The following GJA8 variants were observed in gnomAD, a reference collection of about 807,000 sequenced individuals.
GJA8 encodes gap junction alpha-8 protein.
In GJA8, 13 loss-of-function variants were observed where a neutral mutation model predicts 15.3. The observed-to-expected ratio is 0.85, with a 90% CI of 0.55 to 1.35. GJA8 has a LOEUF of 1.35. GJA8 is among the 40% of genes most tolerant of loss of function. GJA8 has a pLI of 0.00. For synonymous variants in GJA8, 304 were observed against 238.7 expected (o/e 1.27, Z -2.52); for missense variants, 607 against 553.3 (o/e 1.10, Z -0.97).
At position 147,908,292 on chromosome 1, in the gene GJA8, G is replaced by A; in HGVS notation, c.337G>A (p.Glu113Lys). ...EEKRKSREAE[E>K]LGQQAGTNGG... ...GAAGCGCAAAAGCCGCGAGGCGGAGGAGCTGGGCCAGCAGGCGGGGACTAA... is the reference window on the plus strand; with the variant it reads ...GAAGCGCAAAAGCCGCGAGGCGGAGAAGCTGGGCCAGCAGGCGGGGACTAA... Residue 113 changes from glutamate to lysine, a missense_variant, in exon 2 of 2, where the codon GAG becomes AAG. By Grantham distance (56) the Glu-to-Lys change is moderately conservative. Transcript: ENST00000369235. 2 of 1,614,176 alleles carry A rather than the reference G, an allele frequency of 1.2e-6. No individual in the cohort carries two copies. Among genetic ancestry groups the A allele is most frequent in the South Asian group, 2.2e-5 (2 of 91,080 alleles).
chr1:147,909,263 C>T lies in GJA8; in HGVS notation c.*6C>T, dbSNP rs782055668. On this transcript the variant is annotated 3_prime_UTR_variant, in exon 2 of 2. Transcript: ENST00000369235. Reference sequence around the variant, plus strand: ...CAGACGATCTAACCGTATGAAGTGACGCCAAAGAAAAAAAAAAAAACGCCC... The same window carrying T: ...CAGACGATCTAACCGTATGAAGTGATGCCAAAGAAAAAAAAAAAAACGCCC... 4.1e-6 allele frequency: 5 copies of T among 1,232,248 alleles called. No individual in the cohort carries two copies. Among genetic ancestry groups the T allele is most frequent in the South Asian group, 1.2e-5 (1 of 80,262 alleles). The allele number at this position is 1,232,248 out of a possible 1,614,324, so 76.3% of individuals were successfully genotyped here. A position where few individuals can be genotyped will look rare whatever the true frequency, so the allele number is the denominator to read the frequency against.
Position 147,909,062 on chromosome 1 carries a change from G to A in GJA8, c.1107G>A (p.Gly369=), listed in dbSNP as rs1553243004. 8.1e-6 allele frequency: 13 copies of A among 1,604,734 alleles called. No homozygotes were observed. Among genetic ancestry groups the A allele is most frequent in the South Asian group, 1.1e-5 (1 of 90,008 alleles). ...AGGAGAAGGTGGCCGTGCCAGAGGG[G>A]GAGAAAGTAGAGACCCCCGGAGTGG... ...EEQEKVAVPE[G]EKVETPGVDK... is the part of the protein sequence containing the mutation. The change falls in exon 2 of 2, where the codon GGG becomes GGA. Residue 369 remains glycine (G), a synonymous_variant. Coordinates refer to ENST00000369235, the MANE Select transcript of GJA8 (RefSeq NM_005267.5).
chr1:147,903,934 CTTT>C (rs56033018), intron 1 of GJA8, among the ~76,000 whole-genome samples: 1 of 134,600 alleles, frequency 7.4e-6, no homozygotes. Flanking sequence ...TTTAATAACT[CTTT>C]TTTTTTTTTT....
Position 147,908,640 on chromosome 1 carries a change from C to T in GJA8, c.685C>T (p.Leu229=). ...CGTGATGGAGTTGGGCCACCTGGGCCTGAAGGGGATCCGGTCTGCCTTGAA... is the reference window on the plus strand; with the variant it reads ...CGTGATGGAGTTGGGCCACCTGGGCTTGAAGGGGATCCGGTCTGCCTTGAA... The part of the protein sequence containing the change: ...LNVMELGHLG[L]KGIRSALKRP... Residue 229 remains leucine (L), a synonymous_variant, in exon 2 of 2, where the codon CTG becomes TTG. Transcript: ENST00000369235. 2 of 1,614,130 alleles carry T rather than the reference C, an allele frequency of 1.2e-6. No homozygotes were observed. The highest frequency in any genetic ancestry group is 1.1e-5 in the South Asian group (1 of 91,060).
At chr1:147,912,292 A>G (rs1227186572), downstream of GJA8, among the ~76,000 whole-genome samples, 1 of 152,190 alleles carries the variant, frequency 6.6e-6, no homozygotes, top group Non-Finnish European at 1.5e-5. Flanking sequence ...TGTCCCTCCA[A>G]CCTGCCTCGT....
intron 1 of GJA8, among the ~76,000 whole-genome samples, chr1:147,904,732 C>T (rs1413959223): frequency 6.6e-6 from 1 of 152,182 alleles, no homozygotes; most frequent in Non-Finnish European, 1.5e-5. Flanking sequence ...CCCTTCGCAG[C>T]TCTAAAGTGT....
the GJA8 span, among the ~76,000 whole-genome samples, chr1:147,914,378 G>A: frequency 2.0e-5 from 3 of 152,202 alleles, no homozygotes; most frequent in Non-Finnish European, 1.5e-5. Context: ...AGAGAGACAC[G>A]TTATTGGGAT....
chr1:147,913,947 T>G (rs1553243781), downstream of GJA8, among the ~76,000 whole-genome samples: 1 of 152,176 alleles, frequency 6.6e-6, no homozygotes, highest in East Asian at 1.9e-4. Flanking sequence ...ATTATTGTAT[T>G]ATAACTAAAT....
At chr1:147,911,832 A>G (rs1330185706), downstream of GJA8, among the ~76,000 whole-genome samples, 1 of 151,790 alleles carries the variant, frequency 6.6e-6, no homozygotes, top group African/African-American at 2.4e-5. Context: ...TGTTCTAAAT[A>G]AAACTGCTGT....
chr1:147,909,247 T>C lies in GJA8; in HGVS notation c.1292T>C (p.Leu431Pro). 8.0e-7 allele frequency: 1 copy of C among 1,257,210 alleles called. No individual in the cohort carries two copies. 77.9% of individuals were successfully genotyped at this position (1,257,210 alleles called of 1,614,324 possible). ...AGCAGCCGAGCCAGGTCAGACGATC[T>C]AACCGTATGAAGTGACGCCAAAGAA... ...KASSRARSDD[L>P]TV Residue 431 changes from leucine (L) to proline (P), a missense_variant, in exon 2 of 2, where the codon CTA becomes CCA. Leu to Pro is a moderately conservative substitution (Grantham distance 98). Transcript: ENST00000369235.
At chr1:147,907,350 AATAAT>A (rs1651840594) in intron 1 of GJA8, among the ~76,000 whole-genome samples, 2 of 152,356 alleles carry the variant, frequency 1.3e-5, no homozygotes, top group South Asian at 4.1e-4. Context: ...AGTTAAATGA[AATAAT>A]ATAATGTCAA....
At chr1:147,909,872 A>T (rs935358090), downstream of GJA8, among the ~76,000 whole-genome samples, 1 of 152,070 alleles carries the variant, frequency 6.6e-6, no homozygotes, top group Non-Finnish European at 1.5e-5. Flanking sequence ...CAGAAATCCA[A>T]CCTTTTTTTT....
At position 147,907,945 on chromosome 1, in the gene GJA8, G is replaced by C. The variant is rs1553242499; in HGVS notation, c.-11G>C. 1.2e-6 allele frequency: 2 copies of C among 1,606,994 alleles called. No homozygotes were observed. The highest frequency in any genetic ancestry group is 2.2e-5 in the South Asian group (2 of 90,956). On this transcript the variant is annotated splice_region_variant and 5_prime_UTR_variant, in exon 2 of 2. Coordinates refer to ENST00000369235, the MANE Select transcript of GJA8 (RefSeq NM_005267.5). ...CTTGCCTTCTCCCTCATTTCTTCAG[G>C]TGGGTGAGAAATGGGCGACTGGAGT...
At chr1:147,913,138 T>C (rs587639530), downstream of GJA8, among the ~76,000 whole-genome samples, 2 of 152,128 alleles carry the variant, frequency 1.3e-5, no homozygotes, top group Non-Finnish European at 2.9e-5. Flanking sequence ...ATTTTCTCTA[T>C]GTTAGTTGAG....
downstream of GJA8, chr1:147,909,283 A>AAAAAAGTAGT: frequency 6.8e-7 from 1 of 1,481,080 alleles, no homozygotes; most frequent in Non-Finnish European, 9.4e-7. Flanking sequence ...AAAAAAAAAA[A>AAAAAAGTAGT]CGCCCAAGCT....
chr1:147,903,441 TG>T (rs1651678996), intron 1 of GJA8, among the ~76,000 whole-genome samples: 2 of 152,192 alleles, frequency 1.3e-5, no homozygotes, highest in Non-Finnish European at 2.9e-5. Context: ...ACTTTCCACC[TG>T]GTTACCAACC....
At chr1:147,913,151 T>A (rs1553243694), downstream of GJA8, among the ~76,000 whole-genome samples, 1 of 152,146 alleles carries the variant, frequency 6.6e-6, no homozygotes, top group South Asian at 2.1e-4. Flanking sequence ...TAGTTGAGGA[T>A]GATAAGTTCT....
chr1:147,910,509 G>T (rs1652072781), downstream of GJA8, among the ~76,000 whole-genome samples: 1 of 152,160 alleles, frequency 6.6e-6, no homozygotes, highest in Admixed American at 6.5e-5. Context: ...TGGGAATTCT[G>T]CCCTGGGTAC....
intron 1 of GJA8, among the ~76,000 whole-genome samples, chr1:147,906,618 A>G (rs781854212): frequency 6.6e-6 from 1 of 152,138 alleles, no homozygotes; most frequent in Non-Finnish European, 1.5e-5. Context: ...TGTTCTTTGG[A>G]TTTAAAAGAG....
Sources: gnomAD v4.1 joint callset for allele counts (sites outside exome capture counted in the v4.1 genomes callset) on GRCh38, gnomAD v4.1.1 for gene constraint, MANE v1.5 for transcripts, NCBI Gene and HGNC (gene_info 2026-07-23, HGNC 2026-07-21) for gene names.